IQANK1: variants seen among roughly 807,000 people sequenced by gnomAD.
IQANK1 encodes the protein IQ motif and ankyrin repeat domain-containing protein 1.
Under a neutral mutation model 22.6 loss-of-function variants are expected in IQANK1, and 30 were observed. The ratio of observed to expected loss-of-function variants is 1.33; its 90% CI spans 0.99 to 1.80. The LOEUF (loss-of-function observed/expected upper bound fraction) is 1.80, where lower values mean the gene tolerates loss of function less well. Among genes scored for constraint, IQANK1 ranks in the 40% most tolerant of loss-of-function variants. The pLI is 0.00. For missense variants in IQANK1, 275 were observed against 235.2 expected, an observed-to-expected ratio of 1.17 and a Z score of -1.11; for synonymous variants, 122 against 99.6, an observed-to-expected ratio of 1.23 and a Z score of -1.34.
rs548917575 is a variant in IQANK1 at position 143,739,814 on chromosome 8, TG to T, written c.86-40del. 2.8e-5 allele frequency: 19 copies of T among 677,136 alleles called. No individual in the cohort carries two copies. In the African/African-American group the frequency reaches 2.8e-4, roughly 10 times the overall value. The allele number at this position is 677,136 out of a possible 1,614,324, so 41.9% of individuals were successfully genotyped here. ...AAGTGTCTCTTGAGGCTAATGGGGA[TG>T]GGGGTCTCTCATCCCAAGCTCACTG... On this transcript the variant is annotated intron_variant, in intron 2 of 13. Coordinates refer to ENST00000527139, the MANE Select transcript of IQANK1 (RefSeq NM_001381874.1).
intron 7 of IQANK1, among the ~76,000 whole-genome samples, chr8:143,783,144 G>A (rs562945580): frequency 3.3e-5 from 5 of 152,176 alleles, no homozygotes; most frequent in African/African-American, 7.2e-5. Context: ...ATTCTTGTAT[G>A]TGTCTCTTGG....
intron 7 of IQANK1, among the ~76,000 whole-genome samples, chr8:143,779,134 A>G (rs981093641): frequency 1.3e-5 from 2 of 152,178 alleles, no homozygotes; most frequent in South Asian, 2.1e-4. Context: ...GAACTTATAA[A>G]CATATATAAA....
chr8:143,764,237 A>C (rs1819447097), intron 3 of IQANK1, among the ~76,000 whole-genome samples: 1 of 152,050 alleles, frequency 6.6e-6, no homozygotes, highest in Non-Finnish European at 1.5e-5. Flanking sequence ...GACTCATACA[A>C]CCTGTAAGCA....
intron 7 of IQANK1, among the ~76,000 whole-genome samples, chr8:143,775,816 ACACACAC>A (rs201084088): frequency 0.013 from 2,028 of 151,036 alleles, 34 homozygotes; most frequent in African/African-American, 0.04. Context: ...ACACACACAC[ACACACAC>A]CATTCCTAAA....
Position 143,748,971 on chromosome 8 carries a change from TATAAATATATCATATATAAATATATATC to T in IQANK1, c.175+9034_175+9061del, listed in dbSNP as rs1308769039. Among the ~76,000 whole-genome samples, 1,008 of 117,362 alleles carry T rather than the reference TATAAATATATCATATATAAATATATATC, an allele frequency of 8.6e-3. 10 individuals are homozygous for T. Among genetic ancestry groups the T allele is most frequent in the South Asian group, 0.018 (74 of 4,014 alleles). The allele number at this position is 117,362 out of a possible 152,430, so 77.0% of individuals were successfully genotyped here. On this transcript the variant is annotated intron_variant, in intron 3 of 13. Transcript: ENST00000527139. ...TATCTATATATAAATATATATCATATATAAATATATCATATATAAATATATATCATAAATATATATCATATATAAAATA... is the reference window on the plus strand; with the variant it reads ...TATCTATATATAAATATATATCATATATAAATATATATCATATATAAAATA...
chr8:143,780,479 C>T (rs1819777639), intron 7 of IQANK1, among the ~76,000 whole-genome samples: 1 of 152,140 alleles, frequency 6.6e-6, no homozygotes, highest in African/African-American at 2.4e-5. Flanking sequence ...TCCTCCCACC[C>T]TCCACCCTCA....
rs559521293 is a variant in IQANK1, at chr8:143,748,555, GAT to G, written c.175+8616_175+8617del. Among the ~76,000 whole-genome samples, 1,155 of 125,346 alleles carry G rather than the reference GAT, an allele frequency of 9.2e-3. 15 individuals carry two copies. Among genetic ancestry groups the G allele is most frequent in the African/African-American group, 0.025 (819 of 32,920 alleles). The allele number at this position is 125,346 out of a possible 152,430, so 82.2% of individuals were successfully genotyped here. On this transcript the variant is annotated intron_variant, in intron 3 of 13. Transcript: ENST00000527139. ...ATATGATATATAATATATAAATATAGATATATATATCATATATAATATATAAA... is the reference window on the plus strand; with the variant it reads ...ATATGATATATAATATATAAATATAGATATATATCATATATAATATATAAA...
chr8:143,780,864 A>G (rs782249865), intron 7 of IQANK1, among the ~76,000 whole-genome samples: 3 of 152,170 alleles, frequency 2.0e-5, no homozygotes, highest in Admixed American at 1.3e-4. Context: ...GCTGGGTCCA[A>G]TGGTAGTTCT....
At chr8:143,761,275 C>T (rs893314091) in intron 3 of IQANK1, among the ~76,000 whole-genome samples, 1 of 152,170 alleles carries the variant, frequency 6.6e-6, no homozygotes, top group Non-Finnish European at 1.5e-5. Context: ...GGGACGGCCT[C>T]CCGTCTCCCC....
intron 3 of IQANK1, among the ~76,000 whole-genome samples, chr8:143,749,025 T>C (rs1554627671): frequency 8.3e-6 from 1 of 120,734 alleles, no homozygotes; most frequent in African/African-American, 3.4e-5. Flanking sequence ...ATATAAAATA[T>C]AAAAATATAA....
chr8:143,739,691 C>T (rs938162617), intron 2 of IQANK1, among the ~76,000 whole-genome samples, 168 bp from the exon 3 acceptor site: 1 of 152,216 alleles, frequency 6.6e-6, no homozygotes, highest in South Asian at 2.1e-4. Flanking sequence ...GCTGGAGGAG[C>T]CCGTGCTCCT....
In IQANK1 at chr8:143,749,167, AAT is replaced by A. The variant is rs1181757367; in HGVS notation, c.175+9227_175+9228del. Among the ~76,000 whole-genome samples the A allele has an allele frequency of 1.3e-3, 131 of 103,432 alleles. 2 individuals are homozygous for A. The highest frequency in any genetic ancestry group is 0.025 in the Middle Eastern group (2 of 80). 67.9% of individuals were successfully genotyped at this position (103,432 alleles called of 152,430 possible). On this transcript the variant is annotated intron_variant, in intron 3 of 13. Transcript: ENST00000527139. ...CATACATGATATAAATGTATATATCAATATATATAATATATAAATATATATCA... is the reference window on the plus strand; with the variant it reads ...CATACATGATATAAATGTATATATCAATATATAATATATAAATATATATCA...
intron 7 of IQANK1, among the ~76,000 whole-genome samples, chr8:143,776,321 C>T (rs1468396236): frequency 1.8e-5 from 2 of 109,164 alleles, no homozygotes; most frequent in African/African-American, 6.7e-5. Context: ...GAGCGAGACT[C>T]CGTCTCAAAA....
At chr8:143,749,012 CAT>C (rs1420868196) in intron 3 of IQANK1, among the ~76,000 whole-genome samples, 6 of 109,404 alleles carry the variant, frequency 5.5e-5, no homozygotes, top group Admixed American at 2.3e-4. Flanking sequence ...AAATATATAT[CAT>C]ATATAAAATA....
chr8:143,776,044 G>T (rs189499356), intron 7 of IQANK1, among the ~76,000 whole-genome samples: 5,771 of 147,186 alleles, frequency 0.039, 349 homozygotes, highest in African/African-American at 0.14. Flanking sequence ...CCCAGCGGCC[G>T]GGCGCGGCGG....
chr8:143,749,549 GATAT>G (rs1192199375), intron 3 of IQANK1, among the ~76,000 whole-genome samples: 1 of 130,002 alleles, frequency 7.7e-6, no homozygotes, highest in African/African-American at 2.9e-5. Flanking sequence ...TGATATATAT[GATAT>G]ATATCATATA....
intron 7 of IQANK1, among the ~76,000 whole-genome samples, chr8:143,783,428 G>T (rs1819832254): frequency 6.6e-6 from 1 of 151,598 alleles, no homozygotes; most frequent in South Asian, 2.1e-4. Context: ...TTTTCTCTGG[G>T]TTGCCTGATT....
At chr8:143,752,894 T>G (rs1819220271) in intron 3 of IQANK1, among the ~76,000 whole-genome samples, 3 of 152,130 alleles carry the variant, frequency 2.0e-5, no homozygotes, top group African/African-American at 7.2e-5. Context: ...GATGCATGAC[T>G]GTATTCTCTC....
intron 7 of IQANK1, among the ~76,000 whole-genome samples, chr8:143,779,681 C>T (rs1819758465): frequency 6.6e-6 from 1 of 152,310 alleles, no homozygotes; most frequent in East Asian, 1.9e-4. Context: ...AGTTCTTCCA[C>T]TTACAGACAG....
Sources: allele counts gnomAD v4.1 joint callset (sites outside exome capture counted in the v4.1 genomes callset), GRCh38; gene constraint gnomAD v4.1.1; transcripts MANE v1.5; gene names NCBI Gene and HGNC (gene_info 2026-07-23, HGNC 2026-07-21).